The following FLNB variants were observed in gnomAD, a reference collection of about 807,000 sequenced individuals.
FLNB encodes filamin-B.
FLNB carries 111 observed loss-of-function variants against 250.6 expected under a neutral mutation model. The observed-to-expected ratio is 0.44, with a 90% CI of 0.38 to 0.52. The LOEUF (loss-of-function observed/expected upper bound fraction) is 0.52, where lower values mean the gene tolerates loss of function less well. Among genes scored for constraint, FLNB ranks in the 20% least tolerant of loss-of-function variants. The pLI is 0.00. For synonymous variants in FLNB, 1,302 were observed against 1,372.1 expected, an observed-to-expected ratio of 0.95 and a Z score of 1.13; for missense variants, 2,869 against 3,447.8, an observed-to-expected ratio of 0.83 and a Z score of 4.20.
intron 6 of FLNB, 109 bp downstream of exon 6, chr3:58,096,327 T>TGATTATAGAAG: frequency 1.2e-6 from 1 of 822,102 alleles, no homozygotes; most frequent in East Asian, 2.6e-5. Context: ...TTTTCCTTTC[T>TGATTATAGAAG]GATTATAGAA....
Position 58,081,718 on chromosome 3 carries a change from G to A in FLNB, c.729G>A (p.Lys243=). Residue 243 remains lysine, a synonymous_variant, in exon 4 of 46, where the codon AAG becomes AAA. Transcript: ENST00000295956. ...YLSQFPKAKL[K]PGAPLKPKLN... ...CCCAGTTCCCCAAAGCCAAGCTCAA[G>A]CCGGGGGCTCCTCTCAAACCCAAAC... The A allele has an allele frequency of 6.2e-7, 1 of 1,614,108 alleles. No individual in the cohort carries two copies. The highest frequency in any genetic ancestry group is 8.5e-7 in the Non-Finnish European group (1 of 1,180,010).
chr3:58,126,709 T>C lies in FLNB; in HGVS notation c.4169T>C (p.Phe1390Ser). The C allele has an allele frequency of 6.2e-7, 1 of 1,614,084 alleles. No homozygotes were observed. The highest frequency in any genetic ancestry group is 8.5e-7 in the Non-Finnish European group (1 of 1,179,950). Residue 1390 changes from phenylalanine (F) to serine (S), a missense_variant, in exon 24 of 46, where the codon TTC becomes TCC. Transcript: ENST00000295956. ...DGSCSAEYIP[F>S]APGDYDVNIT... Reference sequence around the variant, plus strand: ...AGCTGCAGTGCTGAGTACATTCCTTTCGCACCGGGGGATTACGATGTTAAT... The same window carrying C: ...AGCTGCAGTGCTGAGTACATTCCTTCCGCACCGGGGGATTACGATGTTAAT...
Position 58,121,287 on chromosome 3 carries a change from G to A in FLNB, c.2910G>A (p.Gly970=). ...AGGAGTTCACCGTTGATACCAGGGGGGCAGGAGGCCAGGGGAAGCTGGACG... is the reference window on the plus strand; with the variant it reads ...AGGAGTTCACCGTTGATACCAGGGGAGCAGGAGGCCAGGGGAAGCTGGACG... ...KDQEFTVDTR[G]AGGQGKLDVT... Residue 970 remains glycine (G), a synonymous_variant, in exon 20 of 46, where the codon GGG becomes GGA. Coordinates refer to ENST00000295956, the MANE Select transcript of FLNB (RefSeq NM_001457.4). 1 of 1,614,146 alleles carries A rather than the reference G, an allele frequency of 6.2e-7. No individual in the cohort carries two copies. Among genetic ancestry groups the A allele is most frequent in the East Asian group, 2.2e-5 (1 of 44,882 alleles).
At chr3:58,139,557 C>T (rs1363506859) in intron 29 of FLNB, among the ~76,000 whole-genome samples, 17 of 152,220 alleles carry the variant, frequency 1.1e-4, no homozygotes, top group South Asian at 2.1e-4. Flanking sequence ...CTTCCATCGA[C>T]GTCTGTTTAT....
Position 58,029,130 on chromosome 3 carries a change from A to G in FLNB, c.292+20274A>G, listed in dbSNP as rs3891551. 7.8e-3 allele frequency among the ~76,000 whole-genome samples: 1,180 copies of G among 152,046 alleles called. 45 individuals are homozygous for G. Among genetic ancestry groups the G allele is most frequent in the Admixed American group, 0.055 (848 of 15,290 alleles). On this transcript the variant is annotated intron_variant, in intron 1 of 45. Transcript: ENST00000295956. ...TTGTTGTTTTTATGGTGTTATGACA[A>G]TGATCCATCTTAACCCTTTATGTAG...
intron 1 of FLNB, among the ~76,000 whole-genome samples, chr3:58,039,196 GAAAA>G (rs768670049): frequency 8.3e-6 from 1 of 121,014 alleles, no homozygotes. Flanking sequence ...GTCTCTACAG[GAAAA>G]AAAAAAAAAA....
intron 1 of FLNB, among the ~76,000 whole-genome samples, chr3:58,017,691 C>G (rs1436273280): frequency 6.6e-6 from 1 of 152,184 alleles, no homozygotes; most frequent in Non-Finnish European, 1.5e-5. Context: ...GTTGTTGTAA[C>G]TCTTCTGCAA....
At chr3:58,024,201 G>T (rs78053301) in intron 1 of FLNB, among the ~76,000 whole-genome samples, 8,247 of 152,234 alleles carry the variant, frequency 0.054, 294 homozygotes, top group Non-Finnish European at 0.08. Flanking sequence ...AGCCACTTCC[G>T]GAGTGCTTCA....
chr3:58,012,801 A>C (rs1231251082), intron 1 of FLNB, among the ~76,000 whole-genome samples: 1 of 152,224 alleles, frequency 6.6e-6, no homozygotes, highest in African/African-American at 2.4e-5. Context: ...GGTATCATTG[A>C]ATGAATACAG....
Position 58,108,527 on chromosome 3 carries a change from G to T in FLNB, c.2011G>T (p.Asp671Tyr). ...IVNNLAEFTV[D>Y]PKDAGKAPLK... ...CAACAACCTGGCCGAGTTCACTGTGGATCCTAAGGATGCTGGAAAAGCTCC... is the reference window on the plus strand; with the variant it reads ...CAACAACCTGGCCGAGTTCACTGTGTATCCTAAGGATGCTGGAAAAGCTCC... The change falls in exon 13 of 46, where the codon GAT (aspartate) becomes TAT (tyrosine). Residue 671 changes from aspartate (D) to tyrosine (Y), a missense_variant. Asp to Tyr is a radical substitution (Grantham distance 160, BLOSUM62 -3). This residue lies in a region of FLNB where 1,348 missense variants were observed against 1,466.7 expected (regional missense o/e 0.92). Transcript: ENST00000295956. 12 of 1,614,108 alleles carry T rather than the reference G, an allele frequency of 7.4e-6. No homozygotes were observed. The highest frequency in any genetic ancestry group is 1.0e-5 in the Non-Finnish European group (12 of 1,179,970).
chr3:58,100,527 CTG>C (rs1289371542), intron 8 of FLNB, among the ~76,000 whole-genome samples: 2 of 150,140 alleles, frequency 1.3e-5, no homozygotes, highest in Non-Finnish European at 3.0e-5. Context: ...GTAGCTAAGA[CTG>C]TAGATGTGCG....
intron 13 of FLNB, among the ~76,000 whole-genome samples, 189 bp downstream of exon 13, chr3:58,108,760 A>T (rs1559698654): frequency 1.3e-5 from 2 of 152,334 alleles, no homozygotes; most frequent in East Asian, 3.9e-4. Context: ...GCTTTAAAAA[A>T]ATCAGCTTTC....
intron 41 of FLNB, among the ~76,000 whole-genome samples, chr3:58,158,250 A>G (rs566808437): frequency 9.1e-4 from 139 of 152,368 alleles, no homozygotes; most frequent in African/African-American, 2.9e-3. Flanking sequence ...AGTCTATGCT[A>G]TGCAGCATGA....
intron 1 of FLNB, among the ~76,000 whole-genome samples, chr3:58,053,708 C>T (rs971614040): frequency 1.3e-5 from 2 of 152,026 alleles, no homozygotes; most frequent in Admixed American, 6.6e-5. Flanking sequence ...GTGATCTGCC[C>T]GCCTCGGCCT....
chr3:58,100,254 T>C (rs1319823212), intron 8 of FLNB, among the ~76,000 whole-genome samples: 6 of 151,792 alleles, frequency 4.0e-5, no homozygotes, highest in Admixed American at 3.3e-4. Context: ...CTCGTGGACT[T>C]CCTTTTTCTT....
intron 18 of FLNB, among the ~76,000 whole-genome samples, chr3:58,118,082 G>C (rs1399623028): frequency 6.6e-6 from 1 of 152,212 alleles, no homozygotes; most frequent in Admixed American, 6.5e-5. Flanking sequence ...CAACCATGGA[G>C]AGAAGAAGCC....
At chr3:58,148,386 G>C (rs1053161219) in intron 35 of FLNB, 22 bp downstream of exon 35, 1 of 1,609,864 alleles carries the variant, frequency 6.2e-7, no homozygotes, top group Non-Finnish European at 8.5e-7. Flanking sequence ...TACCCTTCCT[G>C]GCTGGAGCCA....
chr3:58,123,971 C>CAGA (rs1419120984), intron 21 of FLNB, among the ~76,000 whole-genome samples: 2 of 152,204 alleles, frequency 1.3e-5, no homozygotes, highest in African/African-American at 4.8e-5. Flanking sequence ...TTGGCAAAGG[C>CAGA]AGAAATCTTG....
chr3:58,034,850 C>A (rs1007250052), intron 1 of FLNB, among the ~76,000 whole-genome samples: 14 of 152,132 alleles, frequency 9.2e-5, no homozygotes, highest in African/African-American at 3.4e-4. Flanking sequence ...CAGCCACACC[C>A]CACACCTCCC....
Sources: gnomAD v4.1 joint callset for allele counts (sites outside exome capture counted in the v4.1 genomes callset) on GRCh38, gnomAD v4.1.1 for gene constraint, gnomAD v4.1.1 regional missense constraint, MANE v1.5 for transcripts, NCBI Gene and HGNC (gene_info 2026-07-23, HGNC 2026-07-21) for gene names.